The following GABRB3 variants were observed in gnomAD, a reference collection of about 807,000 sequenced individuals.
GABRB3 encodes the protein gamma-aminobutyric acid type A receptor subunit beta3.
GABRB3 carries 14 observed loss-of-function variants against 52.1 expected under a neutral mutation model. That is an observed-to-expected ratio of 0.27 (90% CI 0.18 to 0.42). The LOEUF is 0.42. GABRB3 is among the 10% of genes least tolerant of loss of function. The probability of loss-of-function intolerance (pLI) is 1.00; values close to 1 mark genes in which losing one functional copy is unlikely to be tolerated. For missense variants in GABRB3, 307 were observed against 609.1 expected, an observed-to-expected ratio of 0.50 and a Z score of 5.22; for synonymous variants, 260 against 232.3, an observed-to-expected ratio of 1.12 and a Z score of -1.08.
At chr15:26,598,900 G>C (rs192318535) in intron 4 of GABRB3, among the ~76,000 whole-genome samples, 5 of 152,190 alleles carry the variant, frequency 3.3e-5, no homozygotes, top group African/African-American at 4.8e-5. Context: ...TGATTTGGTT[G>C]CCTTCAGAAA....
At chr15:26,734,834 T>G (rs1870130007) in intron 3 of GABRB3, among the ~76,000 whole-genome samples, 1 of 151,974 alleles carries the variant, frequency 6.6e-6, no homozygotes, top group Admixed American at 6.6e-5. Flanking sequence ...GAGGATGGCT[T>G]GAGCCTGGGA....
At chr15:26,554,037 T>TATATATATATA (rs59100810) in intron 8 of GABRB3, among the ~76,000 whole-genome samples, 5,877 of 58,230 alleles carry the variant, frequency 0.1, 1,214 homozygotes, top group Middle Eastern at 0.15. Context: ...ATATATATAT[T>TATATATATATA]TATTTATTTA....
chr15:26,772,507 CGGCGCGG>C (rs776070336), intron 2 of GABRB3, 38 bp from the exon 3 acceptor site: 1 of 1,598,048 alleles, frequency 6.3e-7, no homozygotes, highest in Admixed American at 1.7e-5. Context: ...AGCCCAGCTC[CGGCGCGG>C]GGCGCGGGCG....
chr15:26,740,348 G>A (rs766340491), intron 3 of GABRB3, among the ~76,000 whole-genome samples: 10 of 152,072 alleles, frequency 6.6e-5, no homozygotes, highest in Non-Finnish European at 1.2e-4. Context: ...AATTCACCCT[G>A]GCTGAATAGG....
At chr15:26,635,804 C>T (rs1893041234) in intron 3 of GABRB3, among the ~76,000 whole-genome samples, 1 of 152,160 alleles carries the variant, frequency 6.6e-6, no homozygotes, top group Admixed American at 6.5e-5. Context: ...TGATGCCACA[C>T]ATTTTAGAGT....
At position 26,560,915 on chromosome 15, in the gene GABRB3, G is replaced by T; in HGVS notation, c.1080+17C>A. On this transcript the variant is annotated intron_variant, in intron 8 of 8. Transcript: ENST00000311550. ...AGCTGCAGGGACCAGGTGGGGTCAA[G>T]GTGGTGGAGAGCCTACCCGGTTGCT... 1 of 1,613,302 alleles carries T rather than the reference G, an allele frequency of 6.2e-7. No individual in the cohort carries two copies. Among genetic ancestry groups the T allele is most frequent in the Middle Eastern group, 1.8e-4 (1 of 5,406 alleles).
intron 4 of GABRB3, among the ~76,000 whole-genome samples, chr15:26,617,131 C>T (rs1435360636): frequency 6.6e-6 from 1 of 152,150 alleles, no homozygotes; most frequent in Admixed American, 6.5e-5. Context: ...GATGGATTCA[C>T]AGCCGAATTC....
chr15:26,568,684 G>GTGTTTTTTT (rs373552704), intron 6 of GABRB3, among the ~76,000 whole-genome samples: 7 of 133,712 alleles, frequency 5.2e-5, no homozygotes, highest in Non-Finnish European at 8.0e-5. Flanking sequence ...TTTTTTTTTG[G>GTGTTTTTTT]TTTTGTATGT....
intron 3 of GABRB3, 113 bp downstream of exon 3, chr15:26,772,289 C>T: frequency 1.1e-6 from 1 of 925,510 alleles, no homozygotes; most frequent in Non-Finnish European, 1.6e-6. Flanking sequence ...CCTCTGCGGA[C>T]CGGGGAAACT....
At chr15:26,771,771 C>G (rs1891150942) in intron 3 of GABRB3, 1 of 152,444 alleles carries the variant, frequency 6.6e-6, no homozygotes, top group South Asian at 2.1e-4. Flanking sequence ...AGCGGCTCCT[C>G]TGAGAGCCCG....
At chr15:26,553,647 G>A (rs1042308496) in intron 8 of GABRB3, 2 of 152,026 alleles carry the variant, frequency 1.3e-5, no homozygotes, top group Non-Finnish European at 2.9e-5. Context: ...CAGGACGTGC[G>A]ATGCCTCACT....
chr15:26,744,811 C>A (rs1283623911), intron 3 of GABRB3, among the ~76,000 whole-genome samples: 1 of 55,318 alleles, frequency 1.8e-5, no homozygotes, highest in Non-Finnish European at 6.0e-5. Context: ...CAAGTTATAT[C>A]CTCAAGAAAA....
intron 3 of GABRB3, among the ~76,000 whole-genome samples, chr15:26,676,202 T>C (rs1351711923): frequency 1.3e-5 from 2 of 152,246 alleles, no homozygotes; most frequent in African/African-American, 4.8e-5. Context: ...CTTGCAACTA[T>C]TTATTTTGTT....
intron 3 of GABRB3, among the ~76,000 whole-genome samples, chr15:26,756,812 TC>T (rs1890676224): frequency 6.6e-6 from 1 of 152,156 alleles, no homozygotes; most frequent in African/African-American, 2.4e-5. Flanking sequence ...CCTGCTTTCC[TC>T]CCTTTCATCA....
rs1485008887 is a variant in GABRB3, at chr15:26,629,156, G to T, written c.241-7622C>A. On this transcript the variant is annotated intron_variant, in intron 3 of 8. Coordinates refer to ENST00000311550, the MANE Select transcript of GABRB3 (RefSeq NM_000814.6). ...AAGCTCGGGGAGGCGCAGGGGCGGAGTGTGGGGAGAAGCAGCTCCCGGGAG... is the reference window on the plus strand; with the variant it reads ...AAGCTCGGGGAGGCGCAGGGGCGGATTGTGGGGAGAAGCAGCTCCCGGGAG... The T allele has an allele frequency of 8.0e-6, 12 of 1,506,808 alleles. No individual in the cohort carries two copies. In the African/African-American group the frequency reaches 1.5e-4, roughly 19 times the overall value. 93.3% of individuals were successfully genotyped at this position (1,506,808 alleles called of 1,614,324 possible).
At chr15:26,691,583 G>A (rs1288054390) in intron 3 of GABRB3, among the ~76,000 whole-genome samples, 1 of 152,094 alleles carries the variant, frequency 6.6e-6, no homozygotes, top group African/African-American at 2.4e-5. Context: ...CTTCAGGGAA[G>A]GGAAGGAAGA....
intron 3 of GABRB3, among the ~76,000 whole-genome samples, chr15:26,713,460 A>C (rs1056507268): frequency 1.3e-5 from 2 of 152,046 alleles, no homozygotes; most frequent in African/African-American, 4.8e-5. Context: ...GCCATCAGTC[A>C]TCTCTGTGGG....
chr15:26,544,513 A>G lies in GABRB3; in HGVS notation c.*3280T>C, dbSNP rs1889153805. 1 of 152,244 alleles carries G rather than the reference A, an allele frequency of 6.6e-6. No individual in the cohort carries two copies. Among genetic ancestry groups the G allele is most frequent in the Non-Finnish European group, 1.5e-5 (1 of 68,060 alleles). The allele number at this position is 152,244 out of a possible 1,614,324, so 9.4% of individuals were successfully genotyped here. ...AATCTAATGGAAATATTATCATGAC[A>G]TACTTTCTAGTTCGTTTGAGATTCA... On this transcript the variant is annotated 3_prime_UTR_variant, in exon 9 of 9. Coordinates refer to ENST00000311550, the MANE Select transcript of GABRB3 (RefSeq NM_000814.6).
chr15:26,621,176 TGCAAA>T lies in GABRB3; in HGVS notation c.461+133_461+137del. On this transcript the variant is annotated intron_variant, in intron 4 of 8. Coordinates refer to ENST00000311550, the MANE Select transcript of GABRB3 (RefSeq NM_000814.6). The surrounding 1 kb of genome is among the most constrained non-coding windows in gnomAD (Gnocchi z 4.1). ...TTTATGGTTATGAGATTTTTTTTTCTGCAAAGCTTTAGTGCTTCATAGATGCTTCC... is the reference window on the plus strand; with the variant it reads ...TTTATGGTTATGAGATTTTTTTTTCTGCTTTAGTGCTTCATAGATGCTTCC... The T allele has an allele frequency of 1.3e-6, 1 of 757,856 alleles. No homozygotes were observed. The highest frequency in any genetic ancestry group is 2.3e-6 in the Non-Finnish European group (1 of 437,074). 46.9% of individuals were successfully genotyped at this position (757,856 alleles called of 1,614,324 possible). A position where few individuals can be genotyped will look rare whatever the true frequency, so the allele number is the denominator to read the frequency against.
Sources: allele counts gnomAD v4.1 joint callset (sites outside exome capture counted in the v4.1 genomes callset), GRCh38; gene constraint gnomAD v4.1.1; non-coding constraint Gnocchi (gnomAD v3.1); transcripts MANE v1.5; gene names NCBI Gene and HGNC (gene_info 2026-07-23, HGNC 2026-07-21).